The following SGIP1 variants were observed in gnomAD, a reference collection of about 807,000 sequenced individuals.
The protein encoded by SGIP1 is SH3-containing GRB2-like protein 3-interacting protein 1.
Under a neutral mutation model 107.5 loss-of-function variants are expected in SGIP1, and 38 were observed. The ratio of observed to expected loss-of-function variants is 0.35; its 90% CI spans 0.27 to 0.46. The LOEUF (loss-of-function observed/expected upper bound fraction) is 0.46. SGIP1 is among the 20% of genes least tolerant of loss of function. The pLI is 1.00. For synonymous variants in SGIP1, 365 were observed against 366.1 expected (o/e 1.00, Z 0.03); for missense variants, 929 against 1,019.5 (o/e 0.91, Z 1.21).
intron 4 of SGIP1, among the ~76,000 whole-genome samples, chr1:66,637,294 A>G (rs894680538): frequency 6.6e-6 from 1 of 152,158 alleles, no homozygotes; most frequent in Non-Finnish European, 1.5e-5. Flanking sequence ...TTAAACCAAC[A>G]AAGAATTGTT....
At position 66,750,695 on chromosome 1, in the gene SGIP1, C is replaced by A. The variant is rs1035256455; in HGVS notation, c.*7600C>A. 2.0e-5 allele frequency among the ~76,000 whole-genome samples: 3 copies of A among 152,194 alleles called. No homozygotes were observed. The highest frequency in any genetic ancestry group is 1.3e-4 in the Admixed American group (2 of 15,274). On this transcript the variant is annotated 3_prime_UTR_variant, in exon 25 of 25. Transcript: ENST00000371037. ...AAAGAGTATACTTTTTTCTGACAGC[C>A]ATTACTGCTTAGTCTGTAATGAAAG...
intron 8 of SGIP1, chr1:66,666,656 G>A (rs1278500241): frequency 1.3e-5 from 2 of 152,460 alleles, no homozygotes; most frequent in African/African-American, 4.8e-5. Flanking sequence ...ATTGAGCAGT[G>A]GTTTGTAGTT....
rs922164348 is a variant in SGIP1, at chr1:66,615,045, T to A, written c.11-10802T>A. Among the ~76,000 whole-genome samples the A allele has an allele frequency of 3.3e-5, 5 of 152,212 alleles. 1 individual carries two copies. Among genetic ancestry groups the A allele is most frequent in the Admixed American group, 3.3e-4 (5 of 15,282 alleles). On this transcript the variant is annotated intron_variant, in intron 1 of 24. Coordinates refer to ENST00000371037, the MANE Select transcript of SGIP1 (RefSeq NM_032291.4). ...CATGTTGGTCAGGCTGGTCTCGAAC[T>A]CCTGACCTCAGGTGATCCACCCACC...
chr1:66,708,095 G>A (rs922687181), intron 18 of SGIP1, among the ~76,000 whole-genome samples: 6 of 152,010 alleles, frequency 3.9e-5, no homozygotes, highest in Admixed American at 2.0e-4. Flanking sequence ...CACAGGGTAG[G>A]GTTTAAGAAT....
At chr1:66,621,757 C>T (rs916208853) in intron 1 of SGIP1, among the ~76,000 whole-genome samples, 6 of 152,184 alleles carry the variant, frequency 3.9e-5, no homozygotes, top group Non-Finnish European at 7.3e-5. Flanking sequence ...GGTTCATTCA[C>T]GTTGCAGCCT....
intron 1 of SGIP1, among the ~76,000 whole-genome samples, chr1:66,618,280 C>A (rs1471531842): frequency 6.6e-6 from 1 of 152,202 alleles, no homozygotes; most frequent in Admixed American, 6.5e-5. Context: ...TCAGATTGGT[C>A]CATCTGGTAT....
At chr1:66,617,345 C>T (rs2149231993) in intron 1 of SGIP1, among the ~76,000 whole-genome samples, 1 of 152,250 alleles carries the variant, frequency 6.6e-6, no homozygotes, top group South Asian at 2.1e-4. Context: ...CAACTGGCCT[C>T]CATCTTAACT....
intron 8 of SGIP1, among the ~76,000 whole-genome samples, chr1:66,665,579 C>T (rs1275504762): frequency 6.6e-6 from 1 of 152,188 alleles, no homozygotes; most frequent in African/African-American, 2.4e-5. Flanking sequence ...CTCATTTACA[C>T]TCCCACCAAC....
At chr1:66,698,419 C>T (rs1049592680) in intron 18 of SGIP1, among the ~76,000 whole-genome samples, 6 of 148,278 alleles carry the variant, frequency 4.0e-5, no homozygotes, top group Non-Finnish European at 8.9e-5. Context: ...CGCTCTGTCG[C>T]CCAGGCTGGA....
intron 17 of SGIP1, among the ~76,000 whole-genome samples, chr1:66,693,117 T>C (rs942871278): frequency 6.6e-6 from 1 of 152,120 alleles, no homozygotes; most frequent in African/African-American, 2.4e-5. Flanking sequence ...GTGCACAGTT[T>C]AGAATCAATG....
intron 13 of SGIP1, among the ~76,000 whole-genome samples, chr1:66,677,463 C>T (rs528120370): frequency 5.3e-5 from 8 of 152,314 alleles, no homozygotes; most frequent in East Asian, 1.9e-4. Flanking sequence ...AAGTCTAATA[C>T]GGTCTCTGCT....
At chr1:66,685,009 A>G (rs1182314279) in intron 15 of SGIP1, among the ~76,000 whole-genome samples, 1 of 152,202 alleles carries the variant, frequency 6.6e-6, no homozygotes, top group African/African-American at 2.4e-5. Flanking sequence ...TTATCTCTTT[A>G]AGTAAGTCCC....
chr1:66,721,982 A>G (rs1335125661), intron 19 of SGIP1, among the ~76,000 whole-genome samples: 4 of 152,032 alleles, frequency 2.6e-5, no homozygotes, highest in Non-Finnish European at 4.4e-5. Flanking sequence ...TACTCTTACA[A>G]GACCCTCCAT....
In SGIP1 at chr1:66,749,956, G is replaced by T. The variant is rs1327900158; in HGVS notation, c.*6861G>T. Among the ~76,000 whole-genome samples, 1 of 151,608 alleles carries T rather than the reference G, an allele frequency of 6.6e-6. No individual in the cohort carries two copies. Among genetic ancestry groups the T allele is most frequent in the African/African-American group, 2.4e-5 (1 of 41,280 alleles). ...GAATTTAGTTCTTGCTTTGTTAAAT[G>T]GACATACATGAAAGAGATTGGCTCC... On this transcript the variant is annotated 3_prime_UTR_variant, in exon 25 of 25. Transcript: ENST00000371037.
At chr1:66,576,413 T>C (rs2061073351) in intron 1 of SGIP1, among the ~76,000 whole-genome samples, 1 of 152,194 alleles carries the variant, frequency 6.6e-6, no homozygotes, top group Non-Finnish European at 1.5e-5. Context: ...CTGAGCCGCA[T>C]AAAAGCTTTA....
chr1:66,733,663 AGAC>A (rs2094115534), intron 20 of SGIP1, 82 bp from the exon 21 acceptor site: 1 of 1,462,426 alleles, frequency 6.8e-7, no homozygotes, highest in Non-Finnish European at 9.3e-7. Flanking sequence ...TGTACATATC[AGAC>A]GACAATTTGC....
At chr1:66,572,073 G>A (rs955646940) in intron 1 of SGIP1, among the ~76,000 whole-genome samples, 1 of 152,004 alleles carries the variant, frequency 6.6e-6, no homozygotes, top group African/African-American at 2.4e-5. Context: ...CCACCATAGT[G>A]TCCAACAAAC....
intron 18 of SGIP1, among the ~76,000 whole-genome samples, chr1:66,704,974 G>A (rs1402113051): frequency 6.6e-6 from 1 of 152,164 alleles, no homozygotes; most frequent in African/African-American, 2.4e-5. Context: ...TATTTAATAT[G>A]TGCTAGACAT....
chr1:66,604,336 A>C (rs1357623101), intron 1 of SGIP1, among the ~76,000 whole-genome samples: 1 of 152,210 alleles, frequency 6.6e-6, no homozygotes, highest in Non-Finnish European at 1.5e-5. Flanking sequence ...AAGATGCCGA[A>C]ATAATGAATG....
Sources: gnomAD v4.1 joint callset for allele counts (sites outside exome capture counted in the v4.1 genomes callset) on GRCh38, gnomAD v4.1.1 for gene constraint, MANE v1.5 for transcripts, NCBI Gene and HGNC (gene_info 2026-07-23, HGNC 2026-07-21) for gene names.